Variants in KSR1 observed in about 807,000 individuals in gnomAD.
KSR1 encodes kinase suppressor of ras.
A neutral mutation model predicts 92.9 loss-of-function variants in KSR1; 35 were observed. The observed-to-expected ratio is 0.38, with a 90% CI of 0.29 to 0.50. The LOEUF is 0.50. Among genes scored for constraint, KSR1 ranks in the 20% least tolerant of loss-of-function variants. The pLI is 0.94. For missense variants in KSR1, 972 were observed against 1,158.5 expected (o/e 0.84, Z 2.34); for synonymous variants, 467 against 472.6 (o/e 0.99, Z 0.15).
intron 1 of KSR1, among the ~76,000 whole-genome samples, chr17:27,539,629 C>G (rs1472580341): frequency 6.6e-6 from 1 of 152,144 alleles, no homozygotes; most frequent in Non-Finnish European, 1.5e-5. Context: ...GTCAGAAGTC[C>G]TTTGTTGCCG....
At chr17:27,500,369 G>A (rs1452168184) in intron 1 of KSR1, among the ~76,000 whole-genome samples, 1 of 152,196 alleles carries the variant, frequency 6.6e-6, no homozygotes, top group East Asian at 1.9e-4. Flanking sequence ...AGCTGTGCAA[G>A]TACTGACGGG....
intron 1 of KSR1, among the ~76,000 whole-genome samples, chr17:27,489,087 T>A (rs1044161004): frequency 1.3e-5 from 2 of 152,360 alleles, no homozygotes; most frequent in Middle Eastern, 6.8e-3. Flanking sequence ...TCCTAACATG[T>A]TGATGTCCTG....
intron 1 of KSR1, among the ~76,000 whole-genome samples, chr17:27,537,844 C>CA (rs1218447923): frequency 6.6e-6 from 1 of 152,020 alleles, no homozygotes; most frequent in South Asian, 2.1e-4. Flanking sequence ...TCCTGGAATA[C>CA]AAAAAATAAC....
intron 20 of KSR1, chr17:27,622,868 A>C: frequency 5.3e-6 from 1 of 190,000 alleles, no homozygotes; most frequent in Non-Finnish European, 1.1e-5. Flanking sequence ...GGCCCTAGGA[A>C]TTTGCATTTC....
intron 11 of KSR1, among the ~76,000 whole-genome samples, chr17:27,602,930 C>T (rs1326296238): frequency 6.6e-6 from 1 of 152,216 alleles, no homozygotes; most frequent in Non-Finnish European, 1.5e-5. Context: ...CAGAAGAAAG[C>T]CCTAGAAGAA....
At chr17:27,537,407 C>G (rs1374176963) in intron 1 of KSR1, among the ~76,000 whole-genome samples, 2 of 152,162 alleles carry the variant, frequency 1.3e-5, no homozygotes, top group Middle Eastern at 3.2e-3. Context: ...AATAATAGTA[C>G]CTGGCTGGAC....
chr17:27,589,051 T>C (rs1348109748), intron 6 of KSR1, among the ~76,000 whole-genome samples: 1 of 152,218 alleles, frequency 6.6e-6, no homozygotes, highest in Admixed American at 6.5e-5. Context: ...ACAGACCTGG[T>C]TGCATCTTGG....
intron 1 of KSR1, among the ~76,000 whole-genome samples, chr17:27,531,345 G>T (rs1411763031): frequency 2.6e-5 from 4 of 152,264 alleles, no homozygotes; most frequent in Non-Finnish European, 4.4e-5. Context: ...CAGGCCCAGG[G>T]TTACAGAAGG....
At position 27,577,436 on chromosome 17, in the gene KSR1, G is replaced by A. The variant is rs1187056213; in HGVS notation, c.373-56G>A. On this transcript the variant is annotated intron_variant, in intron 2 of 20. Coordinates refer to ENST00000644974, the MANE Select transcript of KSR1 (RefSeq NM_001394583.1). The surrounding 1 kb of genome is among the most constrained non-coding windows in gnomAD (Gnocchi z 4.5). ...CAGGAGGCCAGCCTGAGGCTGAGGG[G>A]CTCCCGGCCCAGCCGACTGCTCACC... is the stretch of plus-strand genomic sequence containing the variant. The A allele has an allele frequency of 3.8e-5, 43 of 1,142,432 alleles. 2 individuals are homozygous for A. In the South Asian group the frequency reaches 5.7e-4, roughly 15 times the overall value. The allele number at this position is 1,142,432 out of a possible 1,614,324, so 70.8% of individuals were successfully genotyped here. A position where few individuals can be genotyped will look rare whatever the true frequency, so the allele number is the denominator to read the frequency against.
rs898220374 is a variant in KSR1, at chr17:27,589,951, T to C, written c.1047-860T>C. On this transcript the variant is annotated intron_variant, in intron 6 of 20. Coordinates refer to ENST00000644974, the MANE Select transcript of KSR1 (RefSeq NM_001394583.1). ...AAATATGTATATATGTTTCCTCCTT[T>C]ATTTTTTACTCAAATACTGCATATG... Among the ~76,000 whole-genome samples, 5 of 152,372 alleles carry C rather than the reference T, an allele frequency of 3.3e-5. No individual in the cohort carries two copies. In the South Asian group the frequency reaches 8.3e-4, roughly 25 times the overall value.
At chr17:27,461,880 A>G (rs1167913444) in intron 1 of KSR1, among the ~76,000 whole-genome samples, 1 of 152,226 alleles carries the variant, frequency 6.6e-6, no homozygotes, top group African/African-American at 2.4e-5. Context: ...GTGTGTCTGG[A>G]GATGGACCAT....
At chr17:27,495,348 G>A (rs2150969191) in intron 1 of KSR1, among the ~76,000 whole-genome samples, 1 of 152,290 alleles carries the variant, frequency 6.6e-6, no homozygotes, top group East Asian at 1.9e-4. Context: ...CTTTATACAA[G>A]GCTCTGTGTG....
intron 3 of KSR1, among the ~76,000 whole-genome samples, chr17:27,581,896 G>T (rs531630428): frequency 6.6e-6 from 1 of 152,262 alleles, no homozygotes; most frequent in East Asian, 1.9e-4. Flanking sequence ...TGGTGTAGAA[G>T]GAAGTGGCTG....
At chr17:27,560,369 G>A (rs1237232064) in intron 2 of KSR1, 1 of 517,852 alleles carries the variant, frequency 1.9e-6, no homozygotes, top group African/African-American at 1.9e-5. Context: ...GTGCTGCAGA[G>A]TCTGGGATTC....
intron 9 of KSR1, 139 bp from the exon 10 acceptor site, chr17:27,597,129 T>G: frequency 1.1e-6 from 1 of 920,220 alleles, no homozygotes; most frequent in Non-Finnish European, 1.6e-6. Flanking sequence ...TCCTCAAATG[T>G]TAGATGTGTA....
intron 1 of KSR1, chr17:27,465,353 T>G (rs1266247080): frequency 1.3e-5 from 2 of 152,156 alleles, no homozygotes; most frequent in African/African-American, 4.8e-5. Context: ...CTTCCATTTT[T>G]CTAATCTCCG....
chr17:27,464,599 T>C (rs1342323055), intron 1 of KSR1, among the ~76,000 whole-genome samples: 2 of 151,854 alleles, frequency 1.3e-5, no homozygotes, highest in Non-Finnish European at 2.9e-5. Flanking sequence ...GCACACCTGT[T>C]GTCCCAGCTA....
intron 1 of KSR1, among the ~76,000 whole-genome samples, chr17:27,534,942 G>T (rs1055808739): frequency 1.3e-5 from 2 of 152,176 alleles, no homozygotes. Context: ...GAGCTTTGAA[G>T]ATTATTTAGT....
At chr17:27,610,241 C>G (rs2151246030) in intron 17 of KSR1, 43 bp downstream of exon 17, 1 of 1,612,312 alleles carries the variant, frequency 6.2e-7, no homozygotes, top group Middle Eastern at 1.7e-4. Context: ...GTGGCCAAAA[C>G]AGAGGGCCCT....
Sources: allele counts gnomAD v4.1 joint callset (sites outside exome capture counted in the v4.1 genomes callset), GRCh38; gene constraint gnomAD v4.1.1; non-coding constraint Gnocchi (gnomAD v3.1); transcripts MANE v1.5; gene names NCBI Gene and HGNC (gene_info 2026-07-23, HGNC 2026-07-21).